The following PPP1R21 variants were observed in gnomAD, a reference collection of about 807,000 sequenced individuals.
PPP1R21 encodes KLRAQ motif containing 1.
PPP1R21 carries 85 observed loss-of-function variants against 112.8 expected under a neutral mutation model. That is an observed-to-expected ratio of 0.75 (90% confidence interval 0.63 to 0.90). The LOEUF is 0.90. PPP1R21 is among the 40% of genes least tolerant of loss of function. PPP1R21 has a pLI of 0.00. For missense variants in PPP1R21, 1,199 were observed against 901.5 expected (o/e 1.33, Z -4.23); for synonymous variants, 381 against 322.3 (o/e 1.18, Z -1.95).
chr2:48,514,629 G>T (rs1244473375), intron 21 of PPP1R21, 86 bp from the exon 22 acceptor site: 2 of 965,418 alleles, frequency 2.1e-6, no homozygotes, highest in South Asian at 1.3e-5. Context: ...AGTGAAATAT[G>T]GCTTTCAGAC....
intron 1 of PPP1R21, among the ~76,000 whole-genome samples, chr2:48,442,469 A>G (rs1667073760): frequency 2.0e-5 from 3 of 152,166 alleles, no homozygotes; most frequent in Admixed American, 2.0e-4. Flanking sequence ...AGTAATAAAA[A>G]CTGAAAAGTT....
intron 15 of PPP1R21, among the ~76,000 whole-genome samples, chr2:48,494,203 C>T (rs1669701865): frequency 7.8e-6 from 1 of 128,366 alleles, no homozygotes. Context: ...CACGCTACTG[C>T]ACTCCAGCCC....
chr2:48,493,459 G>A (rs933025247), intron 15 of PPP1R21, among the ~76,000 whole-genome samples: 3 of 152,088 alleles, frequency 2.0e-5, no homozygotes, highest in Admixed American at 1.3e-4. Flanking sequence ...CATCAAATAG[G>A]TCTTTTTCTT....
chr2:48,452,947 G>T (rs1204889350), intron 2 of PPP1R21, among the ~76,000 whole-genome samples: 1 of 149,770 alleles, frequency 6.7e-6, no homozygotes, highest in African/African-American at 2.5e-5. Flanking sequence ...CTTTTAAGTT[G>T]CTGTTCCTTT....
At chr2:48,483,463 G>C (rs892667644) in intron 13 of PPP1R21, among the ~76,000 whole-genome samples, 3 of 152,078 alleles carry the variant, frequency 2.0e-5, no homozygotes, top group African/African-American at 7.2e-5. Context: ...GATTATAGGC[G>C]TGAGCCACTG....
At chr2:48,462,059 A>G (rs1445848895) in intron 7 of PPP1R21, among the ~76,000 whole-genome samples, 1 of 152,192 alleles carries the variant, frequency 6.6e-6, no homozygotes, top group Non-Finnish European at 1.5e-5. Context: ...TGTAAATACT[A>G]CTGGATTCAC....
At chr2:48,465,734 C>T in intron 9 of PPP1R21, 92 bp downstream of exon 9, 1 of 1,118,696 alleles carries the variant, frequency 8.9e-7, no homozygotes, top group Non-Finnish European at 1.2e-6. Flanking sequence ...CATCCAAGTA[C>T]TGCAAAGGAC....
At chr2:48,482,091 C>G (rs953275580) in intron 13 of PPP1R21, among the ~76,000 whole-genome samples, 7 of 152,138 alleles carry the variant, frequency 4.6e-5, no homozygotes, top group African/African-American at 1.4e-4. Flanking sequence ...TGGTCCTAAG[C>G]TTTTTGGATA....
At position 48,490,965 on chromosome 2, in the gene PPP1R21, T is replaced by G. The variant is rs1375397736; in HGVS notation, c.1447-53T>G. 4 of 1,476,914 alleles carry G rather than the reference T, an allele frequency of 2.7e-6. No homozygotes were observed. The East Asian group carries it at 9.1e-5, about 33-fold the overall frequency. 91.5% of individuals were successfully genotyped at this position (1,476,914 alleles called of 1,614,324 possible). ...GCTGCAAAAACTATTAGATATATAT[T>G]TTAGATATATTGTTGGAAAACAAAA... On this transcript the variant is annotated intron_variant, in intron 14 of 21. Transcript: ENST00000294952.
chr2:48,498,671 A>C lies in PPP1R21; in HGVS notation c.1871A>C (p.Asn624Thr). ...GLAQENAAVS[N>T]TAGQDEATAK... ...GCCCAGGAAAATGCTGCTGTGTCAA[A>C]TACTGCTGGCCAGGATGAAGCCACA... is the stretch of plus-strand genomic sequence containing the variant. Residue 624 changes from asparagine to threonine, a missense_variant, in exon 17 of 22, where the codon AAT (asparagine) becomes ACT (threonine). Transcript: ENST00000294952. 6.2e-7 allele frequency: 1 copy of C among 1,614,252 alleles called. No homozygotes were observed. The highest frequency in any genetic ancestry group is 8.5e-7 in the Non-Finnish European group (1 of 1,180,048).
Position 48,459,775 on chromosome 2 carries a change from C to T in PPP1R21, c.397C>T (p.His133Tyr), listed in dbSNP as rs750744374. 6.2e-7 allele frequency: 1 copy of T among 1,613,752 alleles called. No homozygotes were observed. Among genetic ancestry groups the T allele is most frequent in the Non-Finnish European group, 8.5e-7 (1 of 1,179,996 alleles). Residue 133 changes from histidine (H) to tyrosine (Y), a missense_variant, in exon 5 of 22, where the codon CAC becomes TAC. His to Tyr is a moderately conservative substitution (Grantham distance 83). Coordinates refer to ENST00000294952, the MANE Select transcript of PPP1R21 (RefSeq NM_001135629.3). ...TTAGTTTTTTGAAGCTGATGAGCAG[C>T]ACAAGCATGTGGAAGCAGAGCTGAG... ...HIQFFEADEQ[H>Y]KHVEAELRSR...
At chr2:48,499,842 A>G (rs760136399) in intron 17 of PPP1R21, among the ~76,000 whole-genome samples, 1 of 152,258 alleles carries the variant, frequency 6.6e-6, no homozygotes, top group Non-Finnish European at 1.5e-5. Context: ...TTTTCTAATT[A>G]CACTATTCTG....
Position 48,461,119 on chromosome 2 carries a change from ATTTTTT to A in PPP1R21, c.600-10_600-5del. 1 of 1,490,392 alleles carries A rather than the reference ATTTTTT, an allele frequency of 6.7e-7. No individual in the cohort carries two copies. Among genetic ancestry groups the A allele is most frequent in the Admixed American group, 2.4e-5 (1 of 41,400 alleles). The allele number at this position is 1,490,392 out of a possible 1,614,324, so 92.3% of individuals were successfully genotyped here. A position where few individuals can be genotyped will look rare whatever the true frequency, so the allele number is the denominator to read the frequency against. ...GTGATTGGTGATAATGTGGTTTTGT[ATTTTTT>A]TTTTTTTTGCAGTCAATTACAGTTA... On this transcript the variant is annotated splice_polypyrimidine_tract_variant and intron_variant, in intron 6 of 21. Transcript: ENST00000294952.
intron 12 of PPP1R21, among the ~76,000 whole-genome samples, chr2:48,475,278 A>T (rs1176125300): frequency 6.6e-6 from 1 of 151,348 alleles, no homozygotes; most frequent in African/African-American, 2.4e-5. Flanking sequence ...ACTTGAGCCA[A>T]GGAGGTTAAG....
rs553923373 is a variant in PPP1R21, at chr2:48,505,472, G to A, written c.1936-92G>A. 268 of 937,950 alleles carry A rather than the reference G, an allele frequency of 2.9e-4. No individual in the cohort carries two copies. In the African/African-American group the frequency reaches 3.9e-3, roughly 14 times the overall value. 58.1% of individuals were successfully genotyped at this position (937,950 alleles called of 1,614,324 possible). A position where few individuals can be genotyped will look rare whatever the true frequency, so the allele number is the denominator to read the frequency against. ...TAGTTCTGTACCCTCAATGCTCTGTGAACGGAGAGGAGAAAATATTAAAAG... is the reference window on the plus strand; with the variant it reads ...TAGTTCTGTACCCTCAATGCTCTGTAAACGGAGAGGAGAAAATATTAAAAG... On this transcript the variant is annotated intron_variant, in intron 17 of 21. Coordinates refer to ENST00000294952, the MANE Select transcript of PPP1R21 (RefSeq NM_001135629.3).
rs1157866493 is a variant in PPP1R21 at position 48,471,321 on chromosome 2, T to C, written c.1042T>C (p.Ser348Pro). The change falls in exon 11 of 22, where the codon TCC becomes CCC. Residue 348 changes from serine (S) to proline (P), a missense_variant. Coordinates refer to ENST00000294952, the MANE Select transcript of PPP1R21 (RefSeq NM_001135629.3). ...KLKTFSEHLT[S>P]YICFLRKILP... ...GAAAACTTTTTCAGAACACTTAACC[T>C]CCTACATATGTTTTCTTAGGAAGAT... The C allele has an allele frequency of 6.2e-7, 1 of 1,610,936 alleles. No individual in the cohort carries two copies. Among genetic ancestry groups the C allele is most frequent in the Admixed American group, 1.7e-5 (1 of 59,298 alleles).
chr2:48,484,609 T>C (rs553596581), intron 13 of PPP1R21, among the ~76,000 whole-genome samples: 6 of 151,634 alleles, frequency 4.0e-5, no homozygotes, highest in South Asian at 4.2e-4. Context: ...CTCCCACTCT[T>C]GGGTTTAAGC....
At chr2:48,480,126 C>T (rs1668944170) in intron 13 of PPP1R21, 110 bp downstream of exon 13, 2 of 770,784 alleles carry the variant, frequency 2.6e-6, no homozygotes, top group Middle Eastern at 2.3e-4. Flanking sequence ...CAGATAAAGG[C>T]TTATTAGCAT....
Position 48,454,642 on chromosome 2 carries a change from A to G in PPP1R21, c.174A>G (p.Glu58=), listed in dbSNP as rs984108531. ...KDQSLRKLQQ[E]MDSLTFRNLQ... ...AGTCATTGAGAAAACTACAACAGGA[A>G]ATGGACAGTTTGACATTTCGAAATC... is the stretch of plus-strand genomic sequence containing the variant. The change falls in exon 3 of 22, where the codon GAA becomes GAG. Residue 58 remains glutamate (E), a synonymous_variant. Transcript: ENST00000294952. 1.2e-5 allele frequency: 20 copies of G among 1,614,052 alleles called. No individual in the cohort carries two copies. The highest frequency in any genetic ancestry group is 2.7e-5 in the African/African-American group (2 of 74,948).
Sources: allele counts gnomAD v4.1 joint callset (sites outside exome capture counted in the v4.1 genomes callset), GRCh38; gene constraint gnomAD v4.1.1; transcripts MANE v1.5; gene names NCBI Gene and HGNC (gene_info 2026-07-23, HGNC 2026-07-21).